The following ZNF774 variants were observed in gnomAD, a reference collection of about 807,000 sequenced individuals.
ZNF774 encodes zinc finger protein 774.
ZNF774 carries 14 observed loss-of-function variants against 11.1 expected under a neutral mutation model. That is an observed-to-expected ratio of 1.26 (90% CI 0.83 to 1.97). The LOEUF (loss-of-function observed/expected upper bound fraction) is 1.97. Ranked by LOEUF, ZNF774 falls within the 30% of genes most tolerant of loss-of-function variation. ZNF774 has a pLI of 0.00. For missense variants in ZNF774, 599 were observed against 587.0 expected (o/e 1.02, Z -0.21); for synonymous variants, 195 against 212.6 (o/e 0.92, Z 0.72).
At position 90,360,623 on chromosome 15, in the gene ZNF774, G is replaced by A. The variant is rs144209720; in HGVS notation, c.792G>A (p.Ala264=). ...CCCACACAGGCGAGAAGCCCTACGC[G>A]TGCCTGGAATGTCACAAAAGCTTCA... is the stretch of plus-strand genomic sequence containing the variant. The part of the protein sequence containing the change: ...QRTHTGEKPY[A]CLECHKSFSR... Residue 264 remains alanine, a synonymous_variant, in exon 4 of 4, where the codon GCG becomes GCA. Transcript: ENST00000354377. 97 of 1,614,122 alleles carry A rather than the reference G, an allele frequency of 6.0e-5. No homozygotes were observed. Among genetic ancestry groups the A allele is most frequent in the Non-Finnish European group, 7.5e-5 (88 of 1,180,030 alleles).
At position 90,362,495 on chromosome 15, in the gene ZNF774, G is replaced by A; in HGVS notation, c.*1212G>A. ...GCAACTCTTGTTTTCTAATTTGCTG[G>A]GTCATTGGCCATTTAGTTTTAGGTT... On this transcript the variant is annotated 3_prime_UTR_variant, in exon 4 of 4. Transcript: ENST00000354377. 6.6e-7 allele frequency: 1 copy of A among 1,505,348 alleles called. No individual in the cohort carries two copies. Among genetic ancestry groups the A allele is most frequent in the Non-Finnish European group, 8.9e-7 (1 of 1,119,466 alleles). The allele number at this position is 1,505,348 out of a possible 1,614,324, so 93.2% of individuals were successfully genotyped here.
chr15:90,356,044 AT>A (rs1263624198), intron 2 of ZNF774, among the ~76,000 whole-genome samples: 6,396 of 102,564 alleles, frequency 0.062, 793 homozygotes, highest in African/African-American at 0.2. Context: ...AAAAAAATAA[AT>A]AAAAAAAACC....
rs377521107 is a variant in ZNF774 at position 90,360,939 on chromosome 15, A to G, written c.1108A>G (p.Thr370Ala). ...TTTGGTCACGCACCAAAGAACACACACAGGTGAGAGACCTTTTAAGTGCGA... is the reference window on the plus strand; with the variant it reads ...TTTGGTCACGCACCAAAGAACACACGCAGGTGAGAGACCTTTTAAGTGCGA... ...SHLVTHQRTH[T>A]GERPFKCENC... The change falls in exon 4 of 4, where the codon ACA (threonine) becomes GCA (alanine). Residue 370 changes from threonine to alanine, a missense_variant. Thr to Ala is a moderately conservative substitution (Grantham distance 58, BLOSUM62 0). Transcript: ENST00000354377. 81 of 1,614,056 alleles carry G rather than the reference A, an allele frequency of 5.0e-5. No homozygotes were observed. The highest frequency in any genetic ancestry group is 3.3e-4 in the Middle Eastern group (2 of 6,084).
At position 90,361,096 on chromosome 15, in the gene ZNF774, A is replaced by C; in HGVS notation, c.1265A>C (p.Gln422Pro). The stretch of plus-strand genomic sequence containing the variant: ...CAGAGCTCCCACTTTATTACCCATC[A>C]GCGAATCCACTTAGGAGACAGGCCC... The part of the protein sequence containing the change: ...FNQSSHFITH[Q>P]RIHLGDRPYR... Residue 422 changes from glutamine (Q) to proline (P), a missense_variant, in exon 4 of 4, where the codon CAG (glutamine) becomes CCG (proline). Coordinates refer to ENST00000354377, the MANE Select transcript of ZNF774 (RefSeq NM_001004309.3). The C allele has an allele frequency of 6.2e-7, 1 of 1,614,182 alleles. No homozygotes were observed. Among genetic ancestry groups the C allele is most frequent in the Non-Finnish European group, 8.5e-7 (1 of 1,180,032 alleles).
At position 90,360,772 on chromosome 15, in the gene ZNF774, C is replaced by T. The variant is rs760990088; in HGVS notation, c.941C>T (p.Thr314Met). Residue 314 changes from threonine to methionine, a missense_variant, in exon 4 of 4, where the codon ACG becomes ATG. By Grantham distance (81) the Thr-to-Met change is moderately conservative. Coordinates refer to ENST00000354377, the MANE Select transcript of ZNF774 (RefSeq NM_001004309.3). ...TTGATTAAGCACCAACGAACCCACA[C>T]GGGAGAACGGCCCTTCAAATGCCCG... Reference protein sequence around the residue: ...SDLIKHQRTHTGERPFKCPEC... With the variant: ...SDLIKHQRTHMGERPFKCPEC... 4 of 1,614,176 alleles carry T rather than the reference C, an allele frequency of 2.5e-6. No homozygotes were observed. Among genetic ancestry groups the T allele is most frequent in the Admixed American group, 1.7e-5 (1 of 60,026 alleles).
Position 90,354,846 on chromosome 15 carries a change from G to C in ZNF774, c.104+82G>C, listed in dbSNP as rs1485126502. 13 of 1,148,494 alleles carry C rather than the reference G, an allele frequency of 1.1e-5. No homozygotes were observed. The East Asian group carries it at 1.5e-4, about 14-fold the overall frequency. The allele number at this position is 1,148,494 out of a possible 1,614,324, so 71.1% of individuals were successfully genotyped here. A position where few individuals can be genotyped will look rare whatever the true frequency, so the allele number is the denominator to read the frequency against. On this transcript the variant is annotated intron_variant, in intron 2 of 3. Transcript: ENST00000354377. ...GTCTCGCTCTGTCATCCAGGCTGGA[G>C]TGCAGTGGCGCGATCTCGATTCACT...
In ZNF774 at chr15:90,360,550, G is replaced by C. The variant is rs1423160898; in HGVS notation, c.719G>C (p.Cys240Ser). ...GAGAGACCCTATGAGTGCCCAGAGT[G>C]TGGAAAGACTTTTGGGCGGAAGCCA... Reference protein sequence around the residue: ...TGERPYECPECGKTFGRKPHL... With the variant: ...TGERPYECPESGKTFGRKPHL... The change falls in exon 4 of 4, where the codon TGT becomes TCT. Residue 240 changes from cysteine to serine, a missense_variant. Cys to Ser is a moderately radical substitution (Grantham distance 112, BLOSUM62 -1). Coordinates refer to ENST00000354377, the MANE Select transcript of ZNF774 (RefSeq NM_001004309.3). 6.2e-7 allele frequency: 1 copy of C among 1,614,040 alleles called. No individual in the cohort carries two copies. The highest frequency in any genetic ancestry group is 8.5e-7 in the Non-Finnish European group (1 of 1,180,016).
chr15:90,358,937 T>C lies in ZNF774; in HGVS notation c.191T>C (p.Ile64Thr). 1 of 1,613,686 alleles carries C rather than the reference T, an allele frequency of 6.2e-7. No individual in the cohort carries two copies. The highest frequency in any genetic ancestry group is 1.1e-5 in the South Asian group (1 of 91,078). Residue 64 changes from isoleucine (I) to threonine (T), a missense_variant, in exon 3 of 4, where the codon ATC becomes ACC. Coordinates refer to ENST00000354377, the MANE Select transcript of ZNF774 (RefSeq NM_001004309.3). ...CTCCAAAACTTTGAGGCGAGGAAGATCCCGAGGGAAAGCCACACAGGTGAG... is the reference window on the plus strand; with the variant it reads ...CTCCAAAACTTTGAGGCGAGGAAGACCCCGAGGGAAAGCCACACAGGTGAG... ...LPLQNFEARKIPRESHTDCEH... is the reference protein window; with the variant it reads ...LPLQNFEARKTPRESHTDCEH...
chr15:90,360,346 C>G lies in ZNF774; in HGVS notation c.515C>G (p.Thr172Ser), dbSNP rs1567102251. 2 of 1,614,142 alleles carry G rather than the reference C, an allele frequency of 1.2e-6. No homozygotes were observed. The highest frequency in any genetic ancestry group is 8.5e-7 in the Non-Finnish European group (1 of 1,179,992). ...TCCTATCTCATAAGACACCTAAGAACCCACACTGGCGAGAGGCCCTATACG... is the reference window on the plus strand; with the variant it reads ...TCCTATCTCATAAGACACCTAAGAAGCCACACTGGCGAGAGGCCCTATACG... ...QSSYLIRHLR[T>S]HTGERPYTCI... is the part of the protein sequence containing the mutation. The change falls in exon 4 of 4, where the codon ACC (threonine) becomes AGC (serine). Residue 172 changes from threonine (T) to serine (S), a missense_variant. Physicochemically the swap from Thr to Ser is moderately conservative, Grantham distance 58. Transcript: ENST00000354377.
At position 90,361,709 on chromosome 15, in the gene ZNF774, G is replaced by A. The variant is rs1374236827; in HGVS notation, c.*426G>A. The stretch of plus-strand genomic sequence containing the variant: ...TGCCTGTAGTCCCAGCTACTCGGGA[G>A]GCCGAGGCAGAAGAATCATTTGAAC... On this transcript the variant is annotated 3_prime_UTR_variant, in exon 4 of 4. Coordinates refer to ENST00000354377, the MANE Select transcript of ZNF774 (RefSeq NM_001004309.3). 4.1e-5 allele frequency: 7 copies of A among 172,288 alleles called. No individual in the cohort carries two copies. Among genetic ancestry groups the A allele is most frequent in the Admixed American group, 3.5e-4 (6 of 17,204 alleles). The allele number at this position is 172,288 out of a possible 1,614,324, so 10.7% of individuals were successfully genotyped here.
In ZNF774 at chr15:90,360,678, AG is replaced by A. The variant is rs754877503; in HGVS notation, c.849del (p.Thr284ProfsTer5). On this transcript the variant is annotated frameshift_variant, in exon 4 of 4. Coordinates refer to ENST00000354377, the MANE Select transcript of ZNF774 (RefSeq NM_001004309.3). LOFTEE classifies it low-confidence loss of function (END_TRUNC). Reference sequence around the variant, plus strand: ...AAGCTCAAATTTCATCACTCACCAGAGGACCCACACAGGGGTGAAGCCTTAC... The same window carrying A: ...AAGCTCAAATTTCATCACTCACCAGAGACCCACACAGGGGTGAAGCCTTAC... The part of the protein sequence containing the change: ...SRSSNFITHQ[R>X]THTGVKPYRC... 2 of 1,614,114 alleles carry A rather than the reference AG, an allele frequency of 1.2e-6. No homozygotes were observed.
chr15:90,359,149 T>A (rs62019308), intron 3 of ZNF774, among the ~76,000 whole-genome samples, 192 bp downstream of exon 3: 1 of 148,236 alleles, frequency 6.7e-6, no homozygotes, highest in Non-Finnish European at 1.5e-5. Flanking sequence ...CTCGGCTCAC[T>A]GCAAGCTCCG....
rs777277158 is a variant in ZNF774 at position 90,361,081 on chromosome 15, A to G, written c.1250A>G (p.His417Arg). 3.7e-6 allele frequency: 6 copies of G among 1,614,046 alleles called. No individual in the cohort carries two copies. The East Asian group carries it at 1.1e-4, about 30-fold the overall frequency. The change falls in exon 4 of 4, where the codon CAC (histidine) becomes CGC (arginine). Residue 417 changes from histidine to arginine, a missense_variant. By Grantham distance (29) the His-to-Arg change is conservative. Coordinates refer to ENST00000354377, the MANE Select transcript of ZNF774 (RefSeq NM_001004309.3). ...ECGKSFNQSSHFITHQRIHLG... is the reference protein window; with the variant it reads ...ECGKSFNQSSRFITHQRIHLG... ...GGGAAGAGCTTCAATCAGAGCTCCCACTTTATTACCCATCAGCGAATCCAC... is the reference window on the plus strand; with the variant it reads ...GGGAAGAGCTTCAATCAGAGCTCCCGCTTTATTACCCATCAGCGAATCCAC...
chr15:90,360,879 C>T lies in ZNF774; in HGVS notation c.1048C>T (p.Pro350Ser). Reference protein sequence around the residue: ...THSGERPFSCPDCHKSFSQSS... With the variant: ...THSGERPFSCSDCHKSFSQSS... ...TTCAGGAGAGAGGCCTTTCAGTTGTCCTGACTGCCACAAAAGCTTCAGTCA... is the reference window on the plus strand; with the variant it reads ...TTCAGGAGAGAGGCCTTTCAGTTGTTCTGACTGCCACAAAAGCTTCAGTCA... Residue 350 changes from proline to serine, a missense_variant, in exon 4 of 4, where the codon CCT becomes TCT. Transcript: ENST00000354377. The T allele has an allele frequency of 6.2e-7, 1 of 1,614,068 alleles. No individual in the cohort carries two copies. The highest frequency in any genetic ancestry group is 8.5e-7 in the Non-Finnish European group (1 of 1,180,010).
Position 90,361,531 on chromosome 15 carries a change from G to A in ZNF774, c.*248G>A, listed in dbSNP as rs1196726053. On this transcript the variant is annotated 3_prime_UTR_variant, in exon 4 of 4. Transcript: ENST00000354377. ...AATGTGAGTTTAATAGTTGATGCCC[G>A]CCAGGCGTGGTGGCTCACCCCTGTA... 4 of 1,211,562 alleles carry A rather than the reference G, an allele frequency of 3.3e-6. No homozygotes were observed. The highest frequency in any genetic ancestry group is 3.1e-5 in the African/African-American group (2 of 65,118). 75.1% of individuals were successfully genotyped at this position (1,211,562 alleles called of 1,614,324 possible).
At position 90,360,151 on chromosome 15, in the gene ZNF774, G is replaced by A; in HGVS notation, c.320G>A (p.Trp107Ter). ...TNKDLSHTLS[W>*]GGNWEQGLEL... is the part of the protein sequence containing the mutation. ...AAAGATCTTTCTCATACTCTTAGTT[G>A]GGGAGGAAACTGGGAGCAAGGCCTA... The change falls in exon 4 of 4, where the codon TGG becomes TAG. Residue 107 changes from tryptophan (W) to a stop codon, truncating the protein, a stop_gained. Transcript: ENST00000354377. LOFTEE classifies it low-confidence loss of function (END_TRUNC). The A allele has an allele frequency of 6.2e-7, 1 of 1,614,166 alleles. No individual in the cohort carries two copies. Among genetic ancestry groups the A allele is most frequent in the South Asian group, 1.1e-5 (1 of 91,078 alleles).
intron 2 of ZNF774, among the ~76,000 whole-genome samples, chr15:90,356,320 G>A (rs772257556): frequency 3.3e-5 from 5 of 151,522 alleles, no homozygotes; most frequent in Admixed American, 2.0e-4. Context: ...CGCTCACTTC[G>A]GCCTCCCAAA....
Position 90,354,665 on chromosome 15 carries a change from G to A in ZNF774, c.5G>A (p.Trp2Ter). The A allele has an allele frequency of 1.2e-6, 2 of 1,608,104 alleles. No individual in the cohort carries two copies. Among genetic ancestry groups the A allele is most frequent in the Non-Finnish European group, 1.7e-6 (2 of 1,177,064 alleles). Residue 2 changes from tryptophan (W) to a stop codon, truncating the protein, a stop_gained, in exon 2 of 4, where the codon TGG becomes TAG. Transcript: ENST00000354377. LOFTEE classifies it high-confidence loss of function. ...AGGAACTGATGACGCTTGATAATGT[G>A]GCTGGGGACTTCAGGGAAGAGTGGG... M[W>*]LGTSGKSGLP...
Position 90,361,318 on chromosome 15 carries a change from C to T in ZNF774, c.*35C>T, listed in dbSNP as rs778136990. The T allele has an allele frequency of 1.3e-6, 2 of 1,543,978 alleles. No individual in the cohort carries two copies. Among genetic ancestry groups the T allele is most frequent in the South Asian group, 2.5e-5 (2 of 79,940 alleles). ...TTTGGTGTTCAGCTGCTCCCTTGCA[C>T]ATTTTCATTGCTACTGTCTTCAAGC... is the stretch of plus-strand genomic sequence containing the variant. On this transcript the variant is annotated 3_prime_UTR_variant, in exon 4 of 4. Coordinates refer to ENST00000354377, the MANE Select transcript of ZNF774 (RefSeq NM_001004309.3).
Sources: gnomAD v4.1 joint callset for allele counts (sites outside exome capture counted in the v4.1 genomes callset) on GRCh38, gnomAD v4.1.1 for gene constraint, MANE v1.5 for transcripts, NCBI Gene and HGNC (gene_info 2026-07-23, HGNC 2026-07-21) for gene names.